Variants in SLC17A3 observed in about 807,000 individuals in gnomAD.
SLC17A3 encodes sodium-dependent phosphate transport protein 4.
In SLC17A3, 61 loss-of-function variants were observed where a neutral mutation model predicts 60.3. That is an observed-to-expected ratio of 1.01 (90% CI 0.82 to 1.25). The LOEUF is 1.25. SLC17A3 is among the 50% of genes most tolerant of loss of function. The pLI is 0.00. For synonymous variants in SLC17A3, 192 were observed against 208.9 expected (o/e 0.92, Z 0.70); for missense variants, 624 against 594.9 (o/e 1.05, Z -0.51).
chr6:25,870,501 G>A (rs1054047967), intron 1 of SLC17A3, among the ~76,000 whole-genome samples: 3 of 151,954 alleles, frequency 2.0e-5, no homozygotes, highest in African/African-American at 4.8e-5. Flanking sequence ...TGCTTGGATT[G>A]GAACATTCTA....
At position 25,849,868 on chromosome 6, in the gene SLC17A3, G is replaced by C; in HGVS notation, c.1208C>G (p.Ser403Cys). Residue 403 changes from serine (S) to cysteine (C), a missense_variant, in exon 10 of 13, where the codon TCT becomes TGT. Ser to Cys is a moderately radical substitution (Grantham distance 112). Transcript: ENST00000397060. ...YITATALLTL[S>C]CGLSTLCQSG... ...CTGACACAATGTGCTTAATCCGCAA[G>C]AGAGCGTCAGCAAGGCAGTTGCTGT... is the stretch of plus-strand genomic sequence containing the variant. 4 of 1,614,008 alleles carry C rather than the reference G, an allele frequency of 2.5e-6. No homozygotes were observed. Among genetic ancestry groups the C allele is most frequent in the Non-Finnish European group, 3.4e-6 (4 of 1,179,844 alleles).
At chr6:25,862,936 G>A (rs1765476536) in intron 2 of SLC17A3, among the ~76,000 whole-genome samples, 1 of 150,926 alleles carries the variant, frequency 6.6e-6, no homozygotes, top group Non-Finnish European at 1.5e-5. Flanking sequence ...TATATATTAT[G>A]CACTATATAT....
In SLC17A3 at chr6:25,850,878, C is replaced by A. The variant is rs756102228; in HGVS notation, c.713-1G>T. 9 of 1,612,484 alleles carry A rather than the reference C, an allele frequency of 5.6e-6. No homozygotes were observed. In the African/African-American group the frequency reaches 9.3e-5, roughly 17 times the overall value. ...AGGCAGCAGACACAGCCAACACCTC[C>A]TGTAAGCACAGGGTAAATTTGGTAA... On this transcript the variant is annotated splice_acceptor_variant, in intron 6 of 12. Transcript: ENST00000397060. LOFTEE classifies it high-confidence loss of function.
At chr6:25,861,076 A>T (rs1286975146) in intron 5 of SLC17A3, among the ~76,000 whole-genome samples, 2 of 152,098 alleles carry the variant, frequency 1.3e-5, no homozygotes, top group African/African-American at 2.4e-5. Flanking sequence ...TTTCTTAACC[A>T]TACACTGTCC....
In SLC17A3 at chr6:25,868,311, AGT is replaced by A. The variant is rs1364487298; in HGVS notation, c.75_76del (p.Leu26AspfsTer52). The A allele has an allele frequency of 6.2e-7, 1 of 1,611,838 alleles. No individual in the cohort carries two copies. Among genetic ancestry groups the A allele is most frequent in the Non-Finnish European group, 8.5e-7 (1 of 1,178,514 alleles). ...GTCAAATTTACCTTTCCTGGGGATC[AGT>A]GTCTCATCCACTTGCATATCTTGTG... On this transcript the variant is annotated frameshift_variant, in exon 2 of 13. Transcript: ENST00000397060. LOFTEE classifies it high-confidence loss of function.
chr6:25,861,511 A>G (rs1394138228), intron 5 of SLC17A3, 113 bp downstream of exon 5: 13 of 861,112 alleles, frequency 1.5e-5, no homozygotes, highest in Non-Finnish European at 2.6e-5. Context: ...TAATTTAAAA[A>G]TACTTCACTG....
intron 1 of SLC17A3, among the ~76,000 whole-genome samples, chr6:25,871,379 T>C (rs990325028): frequency 4.6e-5 from 7 of 150,612 alleles, no homozygotes; most frequent in African/African-American, 4.9e-5. Context: ...CTCAGCAAAA[T>C]ATCGCAAGGA....
intron 2 of SLC17A3, among the ~76,000 whole-genome samples, chr6:25,866,821 A>G (rs1765543091): frequency 6.6e-6 from 1 of 152,020 alleles, no homozygotes; most frequent in Non-Finnish European, 1.5e-5. Flanking sequence ...AAACTAGATC[A>G]TGTAATTAGT....
chr6:25,861,734 T>C, intron 4 of SLC17A3, 23 bp from the exon 5 acceptor site: 1 of 1,611,800 alleles, frequency 6.2e-7, no homozygotes, highest in Non-Finnish European at 8.5e-7. Flanking sequence ...TGATTAGAGT[T>C]CTTAATGTGT....
intron 6 of SLC17A3, among the ~76,000 whole-genome samples, chr6:25,851,415 C>A (rs1341764973): frequency 6.6e-6 from 1 of 151,900 alleles, no homozygotes; most frequent in Non-Finnish European, 1.5e-5. Context: ...TGATGAAATC[C>A]AATTTATCAA....
intron 5 of SLC17A3, among the ~76,000 whole-genome samples, chr6:25,857,022 A>G (rs1765367948): frequency 1.3e-5 from 2 of 152,020 alleles, no homozygotes; most frequent in Admixed American, 1.3e-4. Flanking sequence ...GTGTCTACAA[A>G]AAACAAAAAG....
chr6:25,849,936 T>C lies in SLC17A3; in HGVS notation c.1140A>G (p.Ser380=), dbSNP rs141619987. 2,194 of 1,614,082 alleles carry C rather than the reference T, an allele frequency of 1.4e-3. 23 individuals carry two copies. Among genetic ancestry groups the C allele is most frequent in the Admixed American group, 4.2e-3 (254 of 60,026 alleles). The part of the protein sequence containing the change: ...IATILGSLPS[S]ALIVSLPYLN... ...GGTAAGGCAGAGACACAATGAGTGC[T>C]GAAGAGGGGAGACTTCCTAGGAAAT... The change falls in exon 10 of 13, where the codon TCA becomes TCG. Residue 380 remains serine, a synonymous_variant. Coordinates refer to ENST00000397060, the MANE Select transcript of SLC17A3 (RefSeq NM_001098486.2).
intron 10 of SLC17A3, 34 bp from the exon 11 acceptor site, chr6:25,849,498 A>G (rs757624963): frequency 2.3e-5 from 31 of 1,362,136 alleles, no homozygotes; most frequent in South Asian, 1.9e-4. Context: ...GTCTAGATCC[A>G]GAGATGTTTG....
chr6:25,872,331 A>G (rs74979678), intron 1 of SLC17A3, among the ~76,000 whole-genome samples: 1 of 131,400 alleles, frequency 7.6e-6, no homozygotes, highest in Non-Finnish European at 1.6e-5. Flanking sequence ...TTTAACGCCA[A>G]AAAAAAAAAA....
At position 25,845,374 on chromosome 6, in the gene SLC17A3, C is replaced by T; in HGVS notation, c.*2+6G>A. On this transcript the variant is annotated splice_donor_region_variant and intron_variant, in intron 12 of 12. Transcript: ENST00000397060. ...TATAACCATGCATAAAATCACTATC[C>T]TTTACCTTCATAAACGAGTGAGTTT... is the stretch of plus-strand genomic sequence containing the variant. 6.2e-7 allele frequency: 1 copy of T among 1,613,804 alleles called. No homozygotes were observed. Among genetic ancestry groups the T allele is most frequent in the Non-Finnish European group, 8.5e-7 (1 of 1,179,820 alleles).
chr6:25,857,475 G>C (rs1185397844), intron 5 of SLC17A3, among the ~76,000 whole-genome samples: 7 of 150,538 alleles, frequency 4.6e-5, no homozygotes, highest in African/African-American at 1.7e-4. Context: ...AAGTTTTTAC[G>C]GAGCCAGATC....
chr6:25,845,035 C>T lies in SLC17A3; in HGVS notation c.*266G>A, dbSNP rs1241165830. On this transcript the variant is annotated 3_prime_UTR_variant, in exon 13 of 13. Coordinates refer to ENST00000397060, the MANE Select transcript of SLC17A3 (RefSeq NM_001098486.2). Reference sequence around the variant, plus strand: ...TCTTGTATCCAGTAATGGAATCTAACATACTGGGTCCCACACAGCAAGCCC... The same window carrying T: ...TCTTGTATCCAGTAATGGAATCTAATATACTGGGTCCCACACAGCAAGCCC... The T allele has an allele frequency of 1.6e-5, 4 of 250,000 alleles. No individual in the cohort carries two copies. The highest frequency in any genetic ancestry group is 3.2e-5 in the Non-Finnish European group (4 of 126,926). The allele number at this position is 250,000 out of a possible 1,614,324, so 15.5% of individuals were successfully genotyped here. A position where few individuals can be genotyped will look rare whatever the true frequency, so the allele number is the denominator to read the frequency against.
intron 2 of SLC17A3, among the ~76,000 whole-genome samples, chr6:25,866,287 C>A (rs1765535133): frequency 6.6e-6 from 1 of 152,018 alleles, no homozygotes; most frequent in Non-Finnish European, 1.5e-5. Flanking sequence ...TCCTCTAAGA[C>A]CTGAGAATGG....
chr6:25,871,996 C>T (rs1266067228), intron 1 of SLC17A3, among the ~76,000 whole-genome samples: 1 of 151,958 alleles, frequency 6.6e-6, no homozygotes, highest in Non-Finnish European at 1.5e-5. Context: ...CAATGATGTA[C>T]TGGAACCAAC....
Sources: gnomAD v4.1 joint callset for allele counts (sites outside exome capture counted in the v4.1 genomes callset) on GRCh38, gnomAD v4.1.1 for gene constraint, MANE v1.5 for transcripts, NCBI Gene and HGNC (gene_info 2026-07-23, HGNC 2026-07-21) for gene names.